ZNF250: variants seen among roughly 807,000 people sequenced by gnomAD.
The protein encoded by ZNF250 is zinc finger protein 250, also known as zinc finger protein (clone 647).
Under a neutral mutation model 37.1 loss-of-function variants are expected in ZNF250, and 13 were observed. That is an observed-to-expected ratio of 0.35 (90% confidence interval 0.23 to 0.56). The LOEUF (loss-of-function observed/expected upper bound fraction) is 0.56. ZNF250 is among the 20% of genes least tolerant of loss of function. The probability of loss-of-function intolerance (pLI) is 0.87; values close to 1 mark genes in which losing one functional copy is unlikely to be tolerated. For synonymous variants in ZNF250, 251 were observed against 265.6 expected (o/e 0.94, Z 0.54); for missense variants, 474 against 697.9 (o/e 0.68, Z 3.61).
chr8:144,877,593 G>A lies in ZNF250; in HGVS notation c.*3922C>T, dbSNP rs1395114018. On this transcript the variant is annotated 3_prime_UTR_variant, in exon 6 of 6. Transcript: ENST00000417550. Reference sequence around the variant, plus strand: ...GTGCCACCTCTTTCTCCTTGGAGAGGAGGAGGTGAGTGGCAAGAAAATGTA... The same window carrying A: ...GTGCCACCTCTTTCTCCTTGGAGAGAAGGAGGTGAGTGGCAAGAAAATGTA... 6.6e-6 allele frequency: 1 copy of A among 152,146 alleles called. No individual in the cohort carries two copies. Among genetic ancestry groups the A allele is most frequent in the Non-Finnish European group, 1.5e-5 (1 of 68,040 alleles). 9.4% of individuals were successfully genotyped at this position (152,146 alleles called of 1,614,324 possible).
chr8:144,881,349 T>G lies in ZNF250; in HGVS notation c.*166A>C. Reference sequence around the variant, plus strand: ...TAAAACAGGTAGTCTCTGAAGTTTTTCCACAGGAACAGCACGCTAAGTGCT... The same window carrying G: ...TAAAACAGGTAGTCTCTGAAGTTTTGCCACAGGAACAGCACGCTAAGTGCT... On this transcript the variant is annotated 3_prime_UTR_variant, in exon 6 of 6. Transcript: ENST00000417550. 1 of 1,017,054 alleles carries G rather than the reference T, an allele frequency of 9.8e-7. No homozygotes were observed. The highest frequency in any genetic ancestry group is 1.3e-6 in the Non-Finnish European group (1 of 743,044). The allele number at this position is 1,017,054 out of a possible 1,614,324, so 63.0% of individuals were successfully genotyped here. A position where few individuals can be genotyped will look rare whatever the true frequency, so the allele number is the denominator to read the frequency against.
intron 1 of ZNF250, among the ~76,000 whole-genome samples, chr8:144,896,252 T>C (rs1832714257): frequency 6.6e-6 from 1 of 151,792 alleles, no homozygotes; most frequent in Non-Finnish European, 1.5e-5. Context: ...GAGGCTGAGA[T>C]GGGAAGATTG....
intron 1 of ZNF250, among the ~76,000 whole-genome samples, chr8:144,894,763 T>A (rs1742104549): frequency 6.6e-6 from 1 of 151,822 alleles, no homozygotes; most frequent in Admixed American, 6.6e-5. Context: ...GCTCAGGTGA[T>A]CCTCCCACTT....
At position 144,880,681 on chromosome 8, in the gene ZNF250, C is replaced by A. The variant is rs112959921; in HGVS notation, c.*834G>T. The stretch of plus-strand genomic sequence containing the variant: ...GAGTTCGAGACCAGCCTGGCCAACA[C>A]GGTGAAACTCCGTCTCTACTAAAAA... On this transcript the variant is annotated 3_prime_UTR_variant, in exon 6 of 6. Coordinates refer to ENST00000417550, the MANE Select transcript of ZNF250 (RefSeq NM_001109689.4). 1 of 333,550 alleles carries A rather than the reference C, an allele frequency of 3.0e-6. No individual in the cohort carries two copies. Among genetic ancestry groups the A allele is most frequent in the Non-Finnish European group, 6.0e-6 (1 of 165,588 alleles). The allele number at this position is 333,550 out of a possible 1,614,324, so 20.7% of individuals were successfully genotyped here.
rs1832369672 is a variant in ZNF250, at chr8:144,891,944, G to C, written c.-54-1541C>G. Among the ~76,000 whole-genome samples, 3 of 152,212 alleles carry C rather than the reference G, an allele frequency of 2.0e-5. No individual in the cohort carries two copies. In the South Asian group the frequency reaches 6.2e-4, roughly 31 times the overall value. On this transcript the variant is annotated intron_variant, in intron 1 of 5. Coordinates refer to ENST00000417550, the MANE Select transcript of ZNF250 (RefSeq NM_001109689.4). This position sits in a 1 kb window ranked among gnomAD's most constrained non-coding sequence, Gnocchi z 4.0. The stretch of plus-strand genomic sequence containing the variant: ...GGAGGCTAAGGCAGGAGAATCACTT[G>C]AACCCAGGATGTGGAGGTTGCAGTG...
At chr8:144,892,613 G>C (rs1007691473) in intron 1 of ZNF250, among the ~76,000 whole-genome samples, 2 of 151,846 alleles carry the variant, frequency 1.3e-5, no homozygotes, top group Admixed American at 6.6e-5. Context: ...GGAATGCAAC[G>C]GCGAGATCTC....
At chr8:144,889,794 C>A in intron 3 of ZNF250, 100 bp from the exon 4 acceptor site, 1 of 1,461,018 alleles carries the variant, frequency 6.8e-7, no homozygotes. Context: ...CAGGACTGAT[C>A]TTCTGCTGGA....
chr8:144,886,875 G>A lies in ZNF250; in HGVS notation c.311C>T (p.Ala104Val). 2 of 1,613,580 alleles carry A rather than the reference G, an allele frequency of 1.2e-6. No individual in the cohort carries two copies. Among genetic ancestry groups the A allele is most frequent in the Non-Finnish European group, 1.7e-6 (2 of 1,179,700 alleles). The change falls in exon 5 of 6, where the codon GCC becomes GTC. Residue 104 changes from alanine to valine, a missense_variant. By Grantham distance (64) the Ala-to-Val change is moderately conservative. Coordinates refer to ENST00000417550, the MANE Select transcript of ZNF250 (RefSeq NM_001109689.4). ...AGATAAACTGTCTTGTTGTGTACAGGCTGTAGTGTGGTCATATTTGAGGTT... is the reference window on the plus strand; with the variant it reads ...AGATAAACTGTCTTGTTGTGTACAGACTGTAGTGTGGTCATATTTGAGGTT... ...SDNLKYDHTT[A>V]CTQQDSLSCP...
chr8:144,887,412 T>C (rs996589320), intron 4 of ZNF250, among the ~76,000 whole-genome samples: 1 of 152,110 alleles, frequency 6.6e-6, no homozygotes, highest in Non-Finnish European at 1.5e-5. Context: ...GCATATCTAC[T>C]CCTCGCTTGC....
At position 144,889,550 on chromosome 8, in the gene ZNF250, A is replaced by G. The variant is rs763669600; in HGVS notation, c.283+31T>C. 3.2e-6 allele frequency: 5 copies of G among 1,575,344 alleles called. No homozygotes were observed. The Admixed American group carries it at 6.8e-5, about 21-fold the overall frequency. On this transcript the variant is annotated intron_variant, in intron 4 of 5. Coordinates refer to ENST00000417550, the MANE Select transcript of ZNF250 (RefSeq NM_001109689.4). ...TTTGCTCAGGACCTGTTTAGCCCTC[A>G]GTGAGGGAGGGGCCAGCTCTCCTCA...
chr8:144,886,445 A>G (rs1831887629), intron 5 of ZNF250, among the ~76,000 whole-genome samples: 1 of 152,264 alleles, frequency 6.6e-6, no homozygotes, highest in South Asian at 2.1e-4. Flanking sequence ...TGTGAAGGCC[A>G]AACTTGCCTG....
chr8:144,899,818 A>C (rs1210774231), intron 1 of ZNF250, among the ~76,000 whole-genome samples: 1 of 152,234 alleles, frequency 6.6e-6, no homozygotes, highest in Non-Finnish European at 1.5e-5. Context: ...AACTCACCCC[A>C]CAATAAAATA....
In ZNF250 at chr8:144,882,481, G is replaced by A. The variant is rs1348706947; in HGVS notation, c.702C>T (p.Ser234=). 6.8e-6 allele frequency: 11 copies of A among 1,614,146 alleles called. No homozygotes were observed. Among genetic ancestry groups the A allele is most frequent in the East Asian group, 4.5e-5 (2 of 44,870 alleles). Residue 234 remains serine, a synonymous_variant, in exon 6 of 6, where the codon AGC becomes AGT. Transcript: ENST00000417550. This position sits in a 1 kb window ranked among gnomAD's most constrained non-coding sequence, Gnocchi z 5.5. ...CSVCGKAFSQ[S]SVLSKHRRIH... is the part of the protein sequence containing the mutation. ...TTCTCCTGTGTTTACTAAGGACTGA[G>A]CTCTGGCTGAAGGCCTTCCCACATA...
rs1413145988 is a variant in ZNF250 at position 144,879,330 on chromosome 8, A to T, written c.*2185T>A. Reference sequence around the variant, plus strand: ...AGTTACCAGTTCCTCTCTGGAGTTAATAATTCACTGTTGTCAGTGTCTGTA... The same window carrying T: ...AGTTACCAGTTCCTCTCTGGAGTTATTAATTCACTGTTGTCAGTGTCTGTA... On this transcript the variant is annotated 3_prime_UTR_variant, in exon 6 of 6. Transcript: ENST00000417550. 2 of 152,258 alleles carry T rather than the reference A, an allele frequency of 1.3e-5. No individual in the cohort carries two copies. The highest frequency in any genetic ancestry group is 4.8e-5 in the African/African-American group (2 of 41,462). 9.4% of individuals were successfully genotyped at this position (152,258 alleles called of 1,614,324 possible). A position where few individuals can be genotyped will look rare whatever the true frequency, so the allele number is the denominator to read the frequency against.
Position 144,882,636 on chromosome 8 carries a change from G to T in ZNF250, c.547C>A (p.Pro183Thr). 1 of 1,614,002 alleles carries T rather than the reference G, an allele frequency of 6.2e-7. No individual in the cohort carries two copies. The highest frequency in any genetic ancestry group is 8.5e-7 in the Non-Finnish European group (1 of 1,179,894). Residue 183 changes from proline (P) to threonine (T), a missense_variant, in exon 6 of 6, where the codon CCG (proline) becomes ACG (threonine). Around this residue, in one of 2 missense-constraint regions of ZNF250, gnomAD observed 192 missense variants for 227.5 expected, o/e 0.84. Coordinates refer to ENST00000417550, the MANE Select transcript of ZNF250 (RefSeq NM_001109689.4). This position sits in a 1 kb window ranked among gnomAD's most constrained non-coding sequence, Gnocchi z 5.5. ...QVLSQSMPLTPHQAVPSGERP... is the reference protein window; with the variant it reads ...QVLSQSMPLTTHQAVPSGERP... Reference sequence around the variant, plus strand: ...TCTCCACTAGGCACTGCCTGGTGCGGAGTGAGTGGCATGCTTTGGCTTAAG... The same window carrying T: ...TCTCCACTAGGCACTGCCTGGTGCGTAGTGAGTGGCATGCTTTGGCTTAAG...
Position 144,880,475 on chromosome 8 carries a change from C to T in ZNF250, c.*1040G>A, listed in dbSNP as rs1226590754. 4.4e-6 allele frequency: 2 copies of T among 456,720 alleles called. No individual in the cohort carries two copies. The highest frequency in any genetic ancestry group is 2.3e-5 in the Admixed American group (1 of 42,570). 28.3% of individuals were successfully genotyped at this position (456,720 alleles called of 1,614,324 possible). On this transcript the variant is annotated 3_prime_UTR_variant, in exon 6 of 6. Coordinates refer to ENST00000417550, the MANE Select transcript of ZNF250 (RefSeq NM_001109689.4). ...GCACAGGATCTGCAGGTCATAAGGG[C>T]AAGTTTTGAGGAAAATACCCATTTT...
chr8:144,888,277 C>A (rs957379522), intron 4 of ZNF250, among the ~76,000 whole-genome samples: 2 of 152,098 alleles, frequency 1.3e-5, no homozygotes, highest in African/African-American at 4.8e-5. Flanking sequence ...AATATTACAC[C>A]TTTGCTGGTT....
intron 1 of ZNF250, among the ~76,000 whole-genome samples, chr8:144,895,805 C>T (rs1301750235): frequency 2.6e-5 from 4 of 151,040 alleles, no homozygotes; most frequent in African/African-American, 4.9e-5. Context: ...GTCAGGAGTT[C>T]GAGACCAGCC....
At chr8:144,888,085 G>A (rs555649287) in intron 4 of ZNF250, among the ~76,000 whole-genome samples, 1 of 152,298 alleles carries the variant, frequency 6.6e-6, no homozygotes, top group South Asian at 2.1e-4. Context: ...AGACTCAGAC[G>A]TCACCTTACT....
Sources: allele counts gnomAD v4.1 joint callset (sites outside exome capture counted in the v4.1 genomes callset), GRCh38; gene constraint gnomAD v4.1.1; regional missense constraint gnomAD v4.1.1; non-coding constraint Gnocchi (gnomAD v3.1); transcripts MANE v1.5; gene names NCBI Gene and HGNC (gene_info 2026-07-23, HGNC 2026-07-21).